The following ERICH6B variants were observed in gnomAD, a reference collection of about 807,000 sequenced individuals.
ERICH6B encodes glutamate-rich protein 6B.
Under a neutral mutation model 80.0 loss-of-function variants are expected in ERICH6B, and 69 were observed. The observed-to-expected ratio is 0.86, with a 90% CI of 0.71 to 1.05. The LOEUF is 1.05. ERICH6B is among the 50% of genes least tolerant of loss of function. The pLI, the probability that ERICH6B is intolerant of heterozygous loss-of-function variation, is 0.00. For missense variants in ERICH6B, 754 were observed against 796.1 expected (o/e 0.95, Z 0.64); for synonymous variants, 283 against 291.9 (o/e 0.97, Z 0.31).
intron 5 of ERICH6B, among the ~76,000 whole-genome samples, chr13:45,581,446 C>T (rs539978960): frequency 3.8e-4 from 58 of 152,202 alleles, no homozygotes; most frequent in African/African-American, 1.3e-3. Context: ...GTGAGATCTC[C>T]GCTTACTGCA....
intron 1 of ERICH6B, among the ~76,000 whole-genome samples, chr13:45,610,798 A>G (rs1429053048): frequency 2.0e-5 from 3 of 151,916 alleles, no homozygotes; most frequent in African/African-American, 7.3e-5. Context: ...ACTGTTGTAT[A>G]CACGGTCTGT....
rs567340323 is a variant in ERICH6B, at chr13:45,578,144, C to T, written c.961+1789G>A. On this transcript the variant is annotated intron_variant, in intron 7 of 14. Transcript: ENST00000298738. ...GCTACCCTCAATATCTGATCTCCCT[C>T]GATATCTAATGAGGTTCTTCATCCT... 6.6e-5 allele frequency among the ~76,000 whole-genome samples: 10 copies of T among 152,292 alleles called. No individual in the cohort carries two copies. The East Asian group carries it at 1.2e-3, about 18-fold the overall frequency.
intron 3 of ERICH6B, among the ~76,000 whole-genome samples, chr13:45,594,298 A>G (rs923175390): frequency 2.0e-5 from 3 of 152,148 alleles, no homozygotes; most frequent in Non-Finnish European, 4.4e-5. Flanking sequence ...TGCCTCTCCA[A>G]TTTTTGTTAG....
intron 8 of ERICH6B, among the ~76,000 whole-genome samples, chr13:45,572,077 C>T (rs1414081138): frequency 6.6e-6 from 1 of 152,218 alleles, no homozygotes; most frequent in Admixed American, 6.5e-5. Flanking sequence ...AGCTTTCTCC[C>T]AGGAGACCTA....
chr13:45,554,636 C>T (rs1874361994), intron 11 of ERICH6B, among the ~76,000 whole-genome samples: 1 of 152,244 alleles, frequency 6.6e-6, no homozygotes, highest in Non-Finnish European at 1.5e-5. Flanking sequence ...CATGTTCTCT[C>T]ACTGGGAAAT....
At chr13:45,574,217 A>G (rs558997570) in intron 8 of ERICH6B, among the ~76,000 whole-genome samples, 27 of 152,352 alleles carry the variant, frequency 1.8e-4, no homozygotes, top group African/African-American at 6.0e-4. Flanking sequence ...CGAGAACACA[A>G]TGAATAATGA....
chr13:45,581,150 C>T (rs1388884998), intron 5 of ERICH6B, among the ~76,000 whole-genome samples: 1 of 152,080 alleles, frequency 6.6e-6, no homozygotes, highest in Non-Finnish European at 1.5e-5. Flanking sequence ...TGGGGATTGC[C>T]TAGGATAGAT....
At chr13:45,571,053 T>C (rs1006458081) in intron 8 of ERICH6B, among the ~76,000 whole-genome samples, 1 of 152,208 alleles carries the variant, frequency 6.6e-6, no homozygotes, top group Non-Finnish European at 1.5e-5. Flanking sequence ...ACCATGTTGC[T>C]TGGAGACGTG....
At chr13:45,593,453 C>G (rs1876235647) in intron 3 of ERICH6B, among the ~76,000 whole-genome samples, 1 of 152,138 alleles carries the variant, frequency 6.6e-6, no homozygotes, top group African/African-American at 2.4e-5. Context: ...TTGCTTAGGC[C>G]TAAAATGCTA....
At position 45,561,531 on chromosome 13, in the gene ERICH6B, C is replaced by G; in HGVS notation, c.1250-5G>C. On this transcript the variant is annotated splice_region_variant and splice_polypyrimidine_tract_variant and intron_variant, in intron 10 of 14. Transcript: ENST00000298738. Reference sequence around the variant, plus strand: ...TCATCTCTGTTAACTTTTGAGCTGCCATTCAATTCAACGATTGCATTGAAT... The same window carrying G: ...TCATCTCTGTTAACTTTTGAGCTGCGATTCAATTCAACGATTGCATTGAAT... The G allele has an allele frequency of 6.4e-7, 1 of 1,550,720 alleles. No homozygotes were observed. Among genetic ancestry groups the G allele is most frequent in the Non-Finnish European group, 8.7e-7 (1 of 1,146,660 alleles).
chr13:45,568,976 T>G (rs140478620), intron 8 of ERICH6B, among the ~76,000 whole-genome samples: 185 of 152,344 alleles, frequency 1.2e-3, no homozygotes, highest in African/African-American at 4.3e-3. Flanking sequence ...CGTAACAAGT[T>G]TTCTGCATTC....
At position 45,587,141 on chromosome 13, in the gene ERICH6B, C is replaced by G; in HGVS notation, c.778G>C (p.Glu260Gln). Residue 260 changes from glutamate to glutamine, a missense_variant, in exon 5 of 15, where the codon GAG becomes CAG. Physicochemically the swap from Glu to Gln is conservative, Grantham distance 29. Transcript: ENST00000298738. ...AATGTCAGAAGCAACTCAGAAGACT[C>G]TGTGGCAGATTCAGAGACAGGAGAA... ...TPSPVSESAT[E>Q]SSELLLTLYR... The G allele has an allele frequency of 6.4e-7, 1 of 1,551,714 alleles. No homozygotes were observed. Among genetic ancestry groups the G allele is most frequent in the Non-Finnish European group, 8.7e-7 (1 of 1,146,998 alleles).
In ERICH6B at chr13:45,574,816, G is replaced by GGC. The variant is rs1555304293; in HGVS notation, c.1050+25_1050+26insGC. On this transcript the variant is annotated intron_variant, in intron 8 of 14. Coordinates refer to ENST00000298738, the MANE Select transcript of ERICH6B (RefSeq NM_182542.3). ...CTACATTTGGAGGAAGCTGGGGGGG[G>GGC]GGTCTCAAGTTTTTATCCAACTTAC... 21 of 1,510,508 alleles carry GGC rather than the reference G, an allele frequency of 1.4e-5. No homozygotes were observed. The African/African-American group carries it at 2.8e-4, about 20-fold the overall frequency. The allele number at this position is 1,510,508 out of a possible 1,614,324, so 93.6% of individuals were successfully genotyped here.
At chr13:45,548,546 C>T (rs1011725352) in intron 13 of ERICH6B, among the ~76,000 whole-genome samples, 4 of 152,126 alleles carry the variant, frequency 2.6e-5, no homozygotes, top group African/African-American at 9.7e-5. Context: ...GAGAGGCTGG[C>T]CCTGTGGTTT....
chr13:45,567,026 C>A (rs1210380990), intron 9 of ERICH6B, among the ~76,000 whole-genome samples: 2 of 152,238 alleles, frequency 1.3e-5, no homozygotes. Context: ...GGATGTGAGA[C>A]ATGGAGTTAA....
intron 8 of ERICH6B, among the ~76,000 whole-genome samples, chr13:45,572,745 T>C (rs1875227764): frequency 6.6e-6 from 1 of 152,142 alleles, no homozygotes; most frequent in Admixed American, 6.5e-5. Context: ...CTTTCATATA[T>C]TAAAAACCCT....
chr13:45,547,369 G>A (rs1407286225), intron 13 of ERICH6B, among the ~76,000 whole-genome samples: 5 of 152,138 alleles, frequency 3.3e-5, no homozygotes. Context: ...GCAGGCTGGT[G>A]GGTTCTCAAT....
chr13:45,552,904 G>T, intron 11 of ERICH6B: 1 of 202,510 alleles, frequency 4.9e-6, no homozygotes, highest in East Asian at 1.5e-4. Flanking sequence ...GTTGGCCATG[G>T]AGTCCTGTCT....
At chr13:45,581,543 CT>C (rs1364117456) in intron 5 of ERICH6B, among the ~76,000 whole-genome samples, 1 of 152,122 alleles carries the variant, frequency 6.6e-6, no homozygotes, top group Non-Finnish European at 1.5e-5. Context: ...CACCTGGCTA[CT>C]TTTTGTATTT....
Sources: gnomAD v4.1 joint callset for allele counts (sites outside exome capture counted in the v4.1 genomes callset) on GRCh38, gnomAD v4.1.1 for gene constraint, MANE v1.5 for transcripts, NCBI Gene and HGNC (gene_info 2026-07-23, HGNC 2026-07-21) for gene names.